WDR5: variants seen among roughly 807,000 people sequenced by gnomAD.
The protein encoded by WDR5 is WD repeat-containing protein 5.
For synonymous variants in WDR5, 144 were observed against 161.6 expected (o/e 0.89, Z 0.83); for missense variants, 187 against 416.9 (o/e 0.45, Z 4.80).
intron 9 of WDR5, among the ~76,000 whole-genome samples, chr9:134,154,198 G>A (rs546352040): frequency 9.8e-5 from 15 of 152,296 alleles, no homozygotes; most frequent in Admixed American, 6.5e-4. Flanking sequence ...AGTGCCCATG[G>A]CCTGGTGCCC....
In WDR5 at chr9:134,159,198, C is replaced by T. The variant is rs1419665687; in HGVS notation, c.*1205C>T. The T allele has an allele frequency of 6.6e-6, 1 of 152,392 alleles. No individual in the cohort carries two copies. The highest frequency in any genetic ancestry group is 1.5e-5 in the Non-Finnish European group (1 of 68,164). The allele number at this position is 152,392 out of a possible 1,614,324, so 9.4% of individuals were successfully genotyped here. ...GAGCGGGAGCCTCTGGGGAGCGAGG[C>T]TGAAACCTGAACCTGCCCATGGAGA... is the stretch of plus-strand genomic sequence containing the variant. On this transcript the variant is annotated 3_prime_UTR_variant, in exon 14 of 14. Transcript: ENST00000358625. This position sits in a 1 kb window ranked among gnomAD's most constrained non-coding sequence, Gnocchi z 4.3.
chr9:134,151,896 A>C, intron 8 of WDR5, 87 bp from the exon 9 acceptor site: 1 of 1,316,522 alleles, frequency 7.6e-7, no homozygotes, highest in Non-Finnish European at 1.1e-6. Flanking sequence ...AAAGCGTGCT[A>C]GTCCTAAAAT....
intron 11 of WDR5, 55 bp from the exon 12 acceptor site, chr9:134,155,638 C>T (rs1832712382): frequency 6.4e-7 from 1 of 1,573,782 alleles, no homozygotes; most frequent in Admixed American, 1.7e-5. Context: ...CGTAGAATTA[C>T]ACAAAATCAA....
chr9:134,154,246 G>T (rs1463893767), intron 9 of WDR5, among the ~76,000 whole-genome samples: 2 of 152,104 alleles, frequency 1.3e-5, no homozygotes, highest in South Asian at 2.1e-4. Flanking sequence ...GTGTCAAGGG[G>T]CCCCCGGGCC....
intron 8 of WDR5, among the ~76,000 whole-genome samples, chr9:134,150,871 T>C (rs1832454258): frequency 6.6e-6 from 1 of 152,174 alleles, no homozygotes; most frequent in Admixed American, 6.5e-5. Flanking sequence ...TTTTTCTGTA[T>C]ACTAGGAATT....
At position 134,142,036 on chromosome 9, in the gene WDR5, T is replaced by G. The variant is rs1169443891; in HGVS notation, c.352T>G (p.Ser118Ala). The G allele has an allele frequency of 6.2e-7, 1 of 1,613,916 alleles. No homozygotes were observed. The highest frequency in any genetic ancestry group is 1.7e-5 in the Admixed American group (1 of 60,006). ...AACCTTGAAGATATGGGACGTGAGC[T>G]CGGTAAGTGACACTCAGTGCTTCTC... Reference protein sequence around the residue: ...DKTLKIWDVSSGKCLKTLKGH... With the variant: ...DKTLKIWDVSAGKCLKTLKGH... The change falls in exon 5 of 14, where the codon TCG becomes GCG. Residue 118 changes from serine to alanine, a missense_variant and splice_region_variant. Coordinates refer to ENST00000358625, the MANE Select transcript of WDR5 (RefSeq NM_017588.3).
Position 134,157,798 on chromosome 9 carries a change from C to G in WDR5, c.905-95C>G. On this transcript the variant is annotated intron_variant, in intron 13 of 13. Coordinates refer to ENST00000358625, the MANE Select transcript of WDR5 (RefSeq NM_017588.3). This position sits in a 1 kb window ranked among gnomAD's most constrained non-coding sequence, Gnocchi z 5.0. ...CTCCCAGGTGGCGGGCAGGCGCTAC[C>G]CGCGTTTCTGGAGAAAGGTGGAGCT... is the stretch of plus-strand genomic sequence containing the variant. 1.6e-6 allele frequency: 2 copies of G among 1,227,866 alleles called. No individual in the cohort carries two copies. The highest frequency in any genetic ancestry group is 2.4e-6 in the Non-Finnish European group (2 of 849,358). The allele number at this position is 1,227,866 out of a possible 1,614,324, so 76.1% of individuals were successfully genotyped here.
chr9:134,142,278 C>T, intron 5 of WDR5, 55 bp from the exon 6 acceptor site: 1 of 1,558,676 alleles, frequency 6.4e-7, no homozygotes, highest in Non-Finnish European at 8.8e-7. Flanking sequence ...TGTGACCTGA[C>T]TCTTACGTTT....
Position 134,158,112 on chromosome 9 carries a change from T to G in WDR5, c.*119T>G. 2.4e-6 allele frequency: 2 copies of G among 842,120 alleles called. No homozygotes were observed. Among genetic ancestry groups the G allele is most frequent in the Admixed American group, 4.3e-5 (2 of 46,320 alleles). The allele number at this position is 842,120 out of a possible 1,614,324, so 52.2% of individuals were successfully genotyped here. The stretch of plus-strand genomic sequence containing the variant: ...CTGGGGGTCAGGACAGGGCCTGATT[T>G]GAGCCTCCTCTCTGAAGATGATTTG... On this transcript the variant is annotated 3_prime_UTR_variant, in exon 14 of 14. Coordinates refer to ENST00000358625, the MANE Select transcript of WDR5 (RefSeq NM_017588.3).
Position 134,152,154 on chromosome 9 carries a change from C to T in WDR5, c.631+125C>T, listed in dbSNP as rs1832525936. On this transcript the variant is annotated intron_variant, in intron 9 of 13. Transcript: ENST00000358625. The stretch of plus-strand genomic sequence containing the variant: ...CTGGGTCCGCCCCTGCAGGAGGAAC[C>T]TTCCTCCGTGTCCGACCGTTCCGCC... The T allele has an allele frequency of 1.9e-5, 22 of 1,131,268 alleles. 1 individual carries two copies. In the South Asian group the frequency reaches 3.2e-4, roughly 16 times the overall value. The allele number at this position is 1,131,268 out of a possible 1,614,324, so 70.1% of individuals were successfully genotyped here.
intron 2 of WDR5, 98 bp from the exon 3 acceptor site, chr9:134,140,605 A>T: frequency 3.1e-6 from 3 of 982,190 alleles, no homozygotes; most frequent in Non-Finnish European, 4.9e-6. Context: ...AGCTCTAAAG[A>T]TCTGAGCTGA....
chr9:134,135,953 T>C (rs2132510117), upstream of WDR5: 1 of 152,168 alleles, frequency 6.6e-6, no homozygotes, highest in South Asian at 2.1e-4. Context: ...TGCTGTCCCT[T>C]TAAAGCGTTG....
At chr9:134,137,315 C>T (rs1033451660) in intron 1 of WDR5, among the ~76,000 whole-genome samples, 2 of 152,154 alleles carry the variant, frequency 1.3e-5, no homozygotes, top group African/African-American at 2.4e-5. Flanking sequence ...CCCCGCTTTC[C>T]TCAAGATCAA....
chr9:134,143,279 G>A (rs557657745), intron 7 of WDR5, among the ~76,000 whole-genome samples: 3 of 152,306 alleles, frequency 2.0e-5, no homozygotes, highest in East Asian at 3.9e-4. Flanking sequence ...GGCGGCTCAC[G>A]CCTGCAATCC....
At chr9:134,154,287 C>T (rs28705689) in intron 9 of WDR5, among the ~76,000 whole-genome samples, 179 bp from the exon 10 acceptor site, 4 of 152,046 alleles carry the variant, frequency 2.6e-5, no homozygotes, top group African/African-American at 7.3e-5. Flanking sequence ...AACCTGCTCA[C>T]GGCTGGTGTG....
chr9:134,137,543 G>T (rs28475221), intron 1 of WDR5, among the ~76,000 whole-genome samples: 54,787 of 151,540 alleles, frequency 0.36, 11,034 homozygotes, highest in Non-Finnish European at 0.46. Context: ...GATTGGCCGG[G>T]CGTAGTGGTA....
At position 134,155,180 on chromosome 9, in the gene WDR5, G is replaced by A. The variant is rs78647214; in HGVS notation, c.708-160G>A. 8.7e-3 allele frequency among the ~76,000 whole-genome samples: 1,318 copies of A among 152,366 alleles called. 18 individuals carry two copies. Among genetic ancestry groups the A allele is most frequent in the African/African-American group, 0.03 (1,244 of 41,574 alleles). On this transcript the variant is annotated intron_variant, in intron 10 of 13. Transcript: ENST00000358625. ...CAGACGCCAAGTCACTGGACTTTGAGCCTGAGGGGCTCCTTACCCTGATGG... is the reference window on the plus strand; with the variant it reads ...CAGACGCCAAGTCACTGGACTTTGAACCTGAGGGGCTCCTTACCCTGATGG...
chr9:134,154,385 G>A lies in WDR5; in HGVS notation c.632-81G>A, dbSNP rs961531903. The A allele has an allele frequency of 1.3e-5, 19 of 1,430,964 alleles. No homozygotes were observed. In the African/African-American group the frequency reaches 2.7e-4, roughly 20 times the overall value. 88.6% of individuals were successfully genotyped at this position (1,430,964 alleles called of 1,614,324 possible). A position where few individuals can be genotyped will look rare whatever the true frequency, so the allele number is the denominator to read the frequency against. On this transcript the variant is annotated intron_variant, in intron 9 of 13. Transcript: ENST00000358625. ...GACCTCACTCAGATGTCGCACGTGG[G>A]GGATGGGGAGCGGGTCCCACCTCCT... is the stretch of plus-strand genomic sequence containing the variant.
chr9:134,144,709 G>T (rs891621041), intron 7 of WDR5, among the ~76,000 whole-genome samples: 1 of 152,028 alleles, frequency 6.6e-6, no homozygotes, highest in East Asian at 1.9e-4. Context: ...GCGTAGTGAT[G>T]CGCACGTGTG....
Sources: allele counts gnomAD v4.1 joint callset (sites outside exome capture counted in the v4.1 genomes callset), GRCh38; gene constraint gnomAD v4.1.1; non-coding constraint Gnocchi (gnomAD v3.1); transcripts MANE v1.5; gene names NCBI Gene and HGNC (gene_info 2026-07-23, HGNC 2026-07-21).